Variants in LARGE1 observed in about 807,000 individuals in gnomAD.
LARGE1 encodes xylosyl- and glucuronyltransferase LARGE1.
In LARGE1, 43 loss-of-function variants were observed where a neutral mutation model predicts 87.6. The ratio of observed to expected loss-of-function variants is 0.49; its 90% confidence interval spans 0.38 to 0.63. The LOEUF is 0.63. LARGE1 is among the 30% of genes least tolerant of loss of function. LARGE1 has a pLI of 0.00. For missense variants in LARGE1, 802 were observed against 1,000.2 expected, an observed-to-expected ratio of 0.80 and a Z score of 2.67; for synonymous variants, 434 against 394.6, an observed-to-expected ratio of 1.10 and a Z score of -1.18.
At chr22:33,719,680 C>T (rs1332734956) in intron 2 of LARGE1, among the ~76,000 whole-genome samples, 1 of 152,000 alleles carries the variant, frequency 6.6e-6, no homozygotes, top group African/African-American at 2.4e-5. Flanking sequence ...ACCACAACGC[C>T]TGGCTAATTT....
chr22:33,876,170 C>A (rs907101307), intron 1 of LARGE1, among the ~76,000 whole-genome samples: 5 of 152,160 alleles, frequency 3.3e-5, no homozygotes, highest in African/African-American at 1.2e-4. Context: ...CACAGTTTAT[C>A]ATCTGTACCA....
In LARGE1 at chr22:33,659,065, C is replaced by T. The variant is rs184460388; in HGVS notation, c.107-8397G>A. Among the ~76,000 whole-genome samples, 37 of 152,328 alleles carry T rather than the reference C, an allele frequency of 2.4e-4. 1 individual carries two copies. The South Asian group carries it at 4.6e-3, about 19-fold the overall frequency. On this transcript the variant is annotated intron_variant, in intron 2 of 14. Transcript: ENST00000397394. ...CAAGCATAGGGCCTGCTTTGCTCCT[C>T]GGCATCGCCCTGCTTCCTGGAAGAC...
intron 5 of LARGE1, among the ~76,000 whole-genome samples, chr22:33,571,149 G>A (rs926104742): frequency 9.9e-5 from 15 of 152,170 alleles, no homozygotes; most frequent in African/African-American, 3.4e-4. Flanking sequence ...ACTTCAATCA[G>A]CAAAAATGCA....
At chr22:33,197,262 C>T (rs532042488) in intron 11 of LARGE1, among the ~76,000 whole-genome samples, 24 of 151,958 alleles carry the variant, frequency 1.6e-4, no homozygotes, top group African/African-American at 3.6e-4. Context: ...AACTTGTATT[C>T]GATTTTGTAT....
chr22:33,178,966 A>G (rs1405889819), intron 11 of LARGE1, among the ~76,000 whole-genome samples: 1 of 152,208 alleles, frequency 6.6e-6, no homozygotes, highest in Non-Finnish European at 1.5e-5. Context: ...TGATACCAGC[A>G]TCTGGTGAGG....
At chr22:33,335,763 G>C (rs952272940) in intron 10 of LARGE1, among the ~76,000 whole-genome samples, 1 of 152,108 alleles carries the variant, frequency 6.6e-6, no homozygotes, top group African/African-American at 2.4e-5. Flanking sequence ...TACCTGGAAC[G>C]TGCTCCCTTT....
chr22:33,757,755 C>G (rs796195652), intron 2 of LARGE1, among the ~76,000 whole-genome samples: 13 of 152,282 alleles, frequency 8.5e-5, no homozygotes, highest in African/African-American at 3.1e-4. Context: ...TCACCTGCCA[C>G]GAAACCAAAA....
intron 2 of LARGE1, among the ~76,000 whole-genome samples, chr22:33,652,995 G>A (rs930514447): frequency 2.0e-5 from 3 of 152,180 alleles, no homozygotes; most frequent in Non-Finnish European, 4.4e-5. Context: ...CATTGTCACC[G>A]ACTGGCCAAT....
At chr22:33,597,054 T>C (rs2078995872) in intron 5 of LARGE1, among the ~76,000 whole-genome samples, 1 of 152,190 alleles carries the variant, frequency 6.6e-6, no homozygotes, top group Non-Finnish European at 1.5e-5. Context: ...GTCTTCTCTC[T>C]TTCTTCTGCA....
At chr22:33,656,058 AGTGTGTGT>A (rs3072285) in intron 2 of LARGE1, among the ~76,000 whole-genome samples, 2 of 150,374 alleles carry the variant, frequency 1.3e-5, no homozygotes, top group Non-Finnish European at 3.0e-5. Context: ...CATAAGCATG[AGTGTGTGT>A]GTGTGTGTGT....
At chr22:33,679,365 CA>C in intron 2 of LARGE1, among the ~76,000 whole-genome samples, 1 of 152,070 alleles carries the variant, frequency 6.6e-6, no homozygotes, top group Non-Finnish European at 1.5e-5. Context: ...CTGTTGAAGA[CA>C]TAACTGGTTA....
intron 7 of LARGE1, among the ~76,000 whole-genome samples, chr22:33,389,509 G>C (rs1021019356): frequency 4.6e-5 from 7 of 152,196 alleles, no homozygotes; most frequent in Non-Finnish European, 1.0e-4. Context: ...AGCCAGACAA[G>C]GATGTAGAGC....
At chr22:33,552,148 T>A (rs189404026) in intron 6 of LARGE1, among the ~76,000 whole-genome samples, 1 of 152,300 alleles carries the variant, frequency 6.6e-6, no homozygotes, top group Admixed American at 6.5e-5. Context: ...GCATAACTTG[T>A]GCATATGGTA....
the LARGE1 span, among the ~76,000 whole-genome samples, chr22:33,107,721 A>G: frequency 6.6e-6 from 1 of 152,218 alleles, no homozygotes; most frequent in East Asian, 1.9e-4. Flanking sequence ...TTTAAAAATG[A>G]GCTGGGCACA....
chr22:33,613,792 A>C (rs1277732368), intron 4 of LARGE1, among the ~76,000 whole-genome samples: 2 of 152,216 alleles, frequency 1.3e-5, no homozygotes, highest in African/African-American at 4.8e-5. Context: ...GCACCACCTG[A>C]CACAGTAAGG....
At chr22:33,745,004 G>T (rs551139424) in intron 2 of LARGE1, among the ~76,000 whole-genome samples, 2 of 152,244 alleles carry the variant, frequency 1.3e-5, no homozygotes, top group African/African-American at 4.8e-5. Context: ...CAGCACACAC[G>T]GCAAAGCCCC....
chr22:33,748,249 A>G (rs570669700), intron 2 of LARGE1, among the ~76,000 whole-genome samples: 1 of 150,740 alleles, frequency 6.6e-6, no homozygotes, highest in South Asian at 2.1e-4. Flanking sequence ...CCCCTGCCTC[A>G]GCCTCCCGAG....
At chr22:33,711,072 C>T (rs977839372) in intron 2 of LARGE1, among the ~76,000 whole-genome samples, 1 of 152,056 alleles carries the variant, frequency 6.6e-6, no homozygotes, top group African/African-American at 2.4e-5. Flanking sequence ...CAAGAGAGGG[C>T]CAAGTGTTAT....
intron 7 of LARGE1, among the ~76,000 whole-genome samples, chr22:33,385,176 G>A (rs1377583323): frequency 6.7e-6 from 1 of 148,446 alleles, no homozygotes; most frequent in African/African-American, 2.4e-5. Context: ...GAAGGGACCT[G>A]GGTGAATGGA....
Sources: allele counts gnomAD v4.1 joint callset (sites outside exome capture counted in the v4.1 genomes callset), GRCh38; gene constraint gnomAD v4.1.1; transcripts MANE v1.5; gene names NCBI Gene and HGNC (gene_info 2026-07-23, HGNC 2026-07-21).